The following CREB5 variants were observed in gnomAD, a reference collection of about 807,000 sequenced individuals.
The protein encoded by CREB5 is cAMP responsive element binding protein 5, also known as cyclic AMP-responsive element-binding protein 5.
A neutral mutation model predicts 57.1 loss-of-function variants in CREB5; 19 were observed. That is an observed-to-expected ratio of 0.33 (90% confidence interval 0.23 to 0.49). CREB5 has a LOEUF of 0.49. Among genes scored for constraint, CREB5 ranks in the 20% least tolerant of loss-of-function variants. The pLI, the probability that CREB5 is intolerant of heterozygous loss-of-function variation, is 0.99. For synonymous variants in CREB5, 238 were observed against 238.3 expected (o/e 1.00, Z 0.01); for missense variants, 579 against 671.6 (o/e 0.86, Z 1.52).
intron 4 of CREB5, among the ~76,000 whole-genome samples, chr7:28,533,905 T>A: frequency 6.6e-6 from 1 of 152,116 alleles, no homozygotes; most frequent in East Asian, 1.9e-4. Context: ...AAAAACCAAG[T>A]GTAAACATGA....
chr7:28,645,357 T>A lies in CREB5; in HGVS notation c.465-73396T>A, dbSNP rs146892306. ...AAAACTACAGTTGTTCTGTGGATGG[T>A]GATTTTACCTCCTTTTTGAAAAACC... On this transcript the variant is annotated intron_variant, in intron 5 of 10. Coordinates refer to ENST00000357727, the MANE Select transcript of CREB5 (RefSeq NM_182898.4). 1.7e-4 allele frequency among the ~76,000 whole-genome samples: 26 copies of A among 152,288 alleles called. No individual in the cohort carries two copies. The East Asian group carries it at 4.1e-3, about 24-fold the overall frequency.
chr7:28,400,398 A>C (rs1272973647), intron 1 of CREB5, among the ~76,000 whole-genome samples: 1 of 152,218 alleles, frequency 6.6e-6, no homozygotes, highest in Non-Finnish European at 1.5e-5. Flanking sequence ...CACAAATAAT[A>C]GTGTTCTTTC....
intron 1 of CREB5, among the ~76,000 whole-genome samples, chr7:28,348,055 G>A (rs749085715): frequency 2.0e-5 from 3 of 152,118 alleles, no homozygotes; most frequent in Non-Finnish European, 4.4e-5. Context: ...ATGAAGTGCT[G>A]TCCTGGGTTG....
chr7:28,363,544 TC>T, intron 1 of CREB5, among the ~76,000 whole-genome samples: 1 of 151,572 alleles, frequency 6.6e-6, no homozygotes, highest in Middle Eastern at 3.4e-3. Context: ...TTTGATCTCA[TC>T]CACCGAGAAT....
intron 1 of CREB5, among the ~76,000 whole-genome samples, chr7:28,463,280 T>C (rs1472345669): frequency 6.6e-6 from 1 of 152,212 alleles, no homozygotes; most frequent in East Asian, 1.9e-4. Context: ...TTCTATCTTA[T>C]TGGTCTGTAT....
intron 1 of CREB5, among the ~76,000 whole-genome samples, chr7:28,326,734 G>A (rs548613629): frequency 6.6e-6 from 1 of 152,258 alleles, no homozygotes; most frequent in East Asian, 1.9e-4. Context: ...GGTTGAGGTT[G>A]CATATAATTC....
At chr7:28,739,193 C>A (rs931103866) in intron 7 of CREB5, among the ~76,000 whole-genome samples, 1 of 152,160 alleles carries the variant, frequency 6.6e-6, no homozygotes, top group Non-Finnish European at 1.5e-5. Context: ...TAGTGGCTAC[C>A]TGTGGCTAGG....
intron 5 of CREB5, among the ~76,000 whole-genome samples, chr7:28,610,262 C>G (rs1168677638): frequency 6.6e-6 from 1 of 152,082 alleles, no homozygotes; most frequent in Non-Finnish European, 1.5e-5. Context: ...AGGGGAGGGG[C>G]CAGAGGGAAG....
intron 1 of CREB5, among the ~76,000 whole-genome samples, chr7:28,439,629 A>G (rs988205632): frequency 1.3e-5 from 2 of 152,150 alleles, no homozygotes; most frequent in African/African-American, 4.8e-5. Context: ...TGAGGAAGCT[A>G]GGATTTGAAC....
intron 1 of CREB5, among the ~76,000 whole-genome samples, chr7:28,363,575 G>A (rs1207114215): frequency 6.6e-6 from 1 of 151,134 alleles, no homozygotes; most frequent in Non-Finnish European, 1.5e-5. Flanking sequence ...CTTCCTTACA[G>A]AACTTACTGT....
At chr7:28,423,402 G>A (rs1008431996) in intron 1 of CREB5, among the ~76,000 whole-genome samples, 5 of 152,206 alleles carry the variant, frequency 3.3e-5, no homozygotes, top group African/African-American at 1.2e-4. Flanking sequence ...TGTTTCAGGA[G>A]GAGGGTGAGG....
intron 4 of CREB5, among the ~76,000 whole-genome samples, chr7:28,523,838 C>T (rs757208043): frequency 4.6e-5 from 7 of 152,220 alleles, no homozygotes; most frequent in Admixed American, 4.6e-4. Flanking sequence ...CAATCTTGAT[C>T]TTTCCTGAAT....
intron 1 of CREB5, among the ~76,000 whole-genome samples, chr7:28,468,142 G>A (rs536740120): frequency 2.6e-4 from 40 of 152,266 alleles, no homozygotes; most frequent in African/African-American, 7.5e-4. Flanking sequence ...GCCTGTGAAC[G>A]GCTGTGGCAG....
At chr7:28,524,406 G>A (rs1793342247) in intron 4 of CREB5, among the ~76,000 whole-genome samples, 1 of 151,840 alleles carries the variant, frequency 6.6e-6, no homozygotes, top group Non-Finnish European at 1.5e-5. Flanking sequence ...TCAGGAGGCT[G>A]AGGCAGGAGA....
intron 1 of CREB5, among the ~76,000 whole-genome samples, chr7:28,475,429 T>C (rs952187516): frequency 2.6e-5 from 4 of 151,582 alleles, no homozygotes; most frequent in African/African-American, 9.7e-5. Context: ...AGTAGCATTT[T>C]TAAAATTAAA....
chr7:28,723,297 A>T (rs1803146241), intron 6 of CREB5, among the ~76,000 whole-genome samples: 1 of 152,194 alleles, frequency 6.6e-6, no homozygotes, highest in Admixed American at 6.5e-5. Flanking sequence ...CCAAACGGAA[A>T]ATATTATTAA....
intron 5 of CREB5, among the ~76,000 whole-genome samples, chr7:28,706,602 A>G (rs1398664802): frequency 6.6e-6 from 1 of 152,222 alleles, no homozygotes; most frequent in African/African-American, 2.4e-5. Flanking sequence ...CCTTGAATGC[A>G]AAGTGTAAAG....
At position 28,377,338 on chromosome 7, in the gene CREB5, T is replaced by C. The variant is rs568708806; in HGVS notation, c.-25+77897T>C. Among the ~76,000 whole-genome samples, 8 of 152,316 alleles carry C rather than the reference T, an allele frequency of 5.3e-5. No individual in the cohort carries two copies. The South Asian group carries it at 1.7e-3, about 32-fold the overall frequency. On this transcript the variant is annotated intron_variant, in intron 1 of 9. Coordinates refer to the CREB5 transcript ENST00000396299. ...AACTCAGTATGAAAAAACTTTATACTGATTATATGTTGAAGTGATAATATT... is the reference window on the plus strand; with the variant it reads ...AACTCAGTATGAAAAAACTTTATACCGATTATATGTTGAAGTGATAATATT...
intron 7 of CREB5, among the ~76,000 whole-genome samples, chr7:28,761,879 A>G (rs566807314): frequency 6.6e-6 from 1 of 152,278 alleles, no homozygotes; most frequent in East Asian, 1.9e-4. Flanking sequence ...AATCATTTTT[A>G]AAACTAGTGT....
Sources: gnomAD v4.1 joint callset for allele counts (sites outside exome capture counted in the v4.1 genomes callset) on GRCh38, gnomAD v4.1.1 for gene constraint, MANE v1.5 for transcripts, NCBI Gene and HGNC (gene_info 2026-07-23, HGNC 2026-07-21) for gene names.